Variants in ARL8B observed in about 807,000 individuals in gnomAD.
ARL8B encodes ADP-ribosylation factor-like protein 8B.
Under a neutral mutation model 30.6 loss-of-function variants are expected in ARL8B, and 9 were observed. That is an observed-to-expected ratio of 0.29 (90% CI 0.18 to 0.51). The LOEUF (loss-of-function observed/expected upper bound fraction) is 0.51, where lower values mean the gene tolerates loss of function less well. Among genes scored for constraint, ARL8B ranks in the 20% least tolerant of loss-of-function variants. ARL8B has a pLI of 0.97. For synonymous variants in ARL8B, 74 were observed against 76.0 expected (o/e 0.97, Z 0.14); for missense variants, 130 against 227.2 (o/e 0.57, Z 2.75).
intron 1 of ARL8B, among the ~76,000 whole-genome samples, chr3:5,147,923 T>TA (rs1258326004): frequency 1.3e-5 from 2 of 150,574 alleles, no homozygotes; most frequent in South Asian, 2.1e-4. Context: ...TTTTGTGTCC[T>TA]AGGAGTGGAC....
rs35897178 is a variant in ARL8B at position 5,124,256 on chromosome 3, ATTT to A, written c.123+1694_123+1696del. ...GTGGAATGTGTATCTAATACCACTA[ATTT>A]TTTTTTTTTTTTTTTTTTTTTTTTT... On this transcript the variant is annotated intron_variant, in intron 1 of 6. Coordinates refer to ENST00000256496, the MANE Select transcript of ARL8B (RefSeq NM_018184.3). Among the ~76,000 whole-genome samples, 282 of 105,650 alleles carry A rather than the reference ATTT, an allele frequency of 2.7e-3. 2 individuals carry two copies. The highest frequency in any genetic ancestry group is 8.7e-3 in the African/African-American group (235 of 26,996). 69.3% of individuals were successfully genotyped at this position (105,650 alleles called of 152,430 possible).
chr3:5,170,678 G>T, intron 2 of ARL8B, 95 bp downstream of exon 2: 4 of 844,240 alleles, frequency 4.7e-6, no homozygotes, highest in East Asian at 2.9e-5. Flanking sequence ...AAAATTTGCA[G>T]TTTTTCAGTA....
At chr3:5,148,881 A>G (rs982201180) in intron 1 of ARL8B, among the ~76,000 whole-genome samples, 2 of 152,172 alleles carry the variant, frequency 1.3e-5, no homozygotes, top group East Asian at 3.9e-4. Flanking sequence ...GGGGAATGTC[A>G]GAGGGAGTCT....
At chr3:5,171,335 G>A (rs985130135) in intron 2 of ARL8B, among the ~76,000 whole-genome samples, 5 of 152,032 alleles carry the variant, frequency 3.3e-5, no homozygotes, top group Admixed American at 2.0e-4. Flanking sequence ...GCTTTCATGT[G>A]CATAAAATAA....
At chr3:5,165,399 C>G (rs1024852440) in intron 1 of ARL8B, among the ~76,000 whole-genome samples, 1 of 152,056 alleles carries the variant, frequency 6.6e-6, no homozygotes, top group Non-Finnish European at 1.5e-5. Flanking sequence ...ATTAAAAGTT[C>G]TTAGAAGGAA....
At chr3:5,159,953 G>A (rs1430734575) in intron 1 of ARL8B, among the ~76,000 whole-genome samples, 2 of 152,128 alleles carry the variant, frequency 1.3e-5, no homozygotes, top group Non-Finnish European at 2.9e-5. Flanking sequence ...TAGTACAGAT[G>A]TTTAGAGACC....
At chr3:5,176,908 G>A (rs879772198) in intron 6 of ARL8B, among the ~76,000 whole-genome samples, 2 of 152,184 alleles carry the variant, frequency 1.3e-5, no homozygotes, top group Non-Finnish European at 2.9e-5. Context: ...GGAGGGTGAT[G>A]CTGGCATTTA....
intron 3 of ARL8B, 81 bp from the exon 4 acceptor site, chr3:5,172,566 A>G (rs2054685870): frequency 6.1e-6 from 6 of 982,434 alleles, no homozygotes; most frequent in East Asian, 2.5e-5. Flanking sequence ...TAAATCTTAC[A>G]AAAATTAAAA....
intron 2 of ARL8B, 69 bp from the exon 3 acceptor site, chr3:5,172,081 C>T: frequency 4.3e-6 from 6 of 1,398,662 alleles, no homozygotes; most frequent in Non-Finnish European, 4.0e-6. Flanking sequence ...TTCTTTTTTT[C>T]TGTTACTTCC....
intron 2 of ARL8B, 27 bp from the exon 3 acceptor site, chr3:5,172,123 T>A: frequency 6.3e-7 from 1 of 1,582,036 alleles, no homozygotes; most frequent in East Asian, 2.2e-5. Context: ...ATATCTTTAT[T>A]AAGAATTGCC....
chr3:5,156,480 G>T (rs1283677821), intron 1 of ARL8B, among the ~76,000 whole-genome samples: 12 of 151,374 alleles, frequency 7.9e-5, no homozygotes, highest in African/African-American at 2.9e-4. Flanking sequence ...GCAGTGGCAC[G>T]ATCCTGTCTC....
At chr3:5,151,856 C>T (rs12497542) in intron 1 of ARL8B, among the ~76,000 whole-genome samples, 1 of 151,952 alleles carries the variant, frequency 6.6e-6, no homozygotes, top group South Asian at 2.1e-4. Flanking sequence ...TCTTGAGTAC[C>T]TGGGACCACA....
chr3:5,137,985 TGA>T (rs2054342407), intron 1 of ARL8B, among the ~76,000 whole-genome samples: 2 of 152,040 alleles, frequency 1.3e-5, no homozygotes, highest in African/African-American at 4.8e-5. Flanking sequence ...TCTGTCATTT[TGA>T]GAGAGAAACT....
chr3:5,135,210 A>G (rs1025771510), intron 1 of ARL8B, among the ~76,000 whole-genome samples: 11 of 152,242 alleles, frequency 7.2e-5, no homozygotes, highest in Non-Finnish European at 1.3e-4. Context: ...TTATGTAATC[A>G]TCCTTTCCTC....
intron 1 of ARL8B, among the ~76,000 whole-genome samples, chr3:5,162,241 C>T (rs1314695605): frequency 6.6e-6 from 1 of 152,184 alleles, no homozygotes; most frequent in African/African-American, 2.4e-5. Flanking sequence ...TATGCAGATG[C>T]CACAGATGAA....
intron 1 of ARL8B, chr3:5,156,857 CT>C: frequency 6.6e-6 from 1 of 152,370 alleles, no homozygotes; most frequent in Non-Finnish European, 1.5e-5. Context: ...CGCCCCCAGC[CT>C]CCCAAAATGC....
At chr3:5,166,910 A>C (rs2054629720) in intron 1 of ARL8B, among the ~76,000 whole-genome samples, 1 of 152,170 alleles carries the variant, frequency 6.6e-6, no homozygotes. Context: ...TGTAGCATTC[A>C]TCTCCTTGCT....
intron 6 of ARL8B, among the ~76,000 whole-genome samples, 183 bp downstream of exon 6, chr3:5,174,597 A>G (rs1351924817): frequency 6.7e-6 from 1 of 150,090 alleles, no homozygotes; most frequent in Non-Finnish European, 1.5e-5. Context: ...TTCACTTAAC[A>G]TCATTGATGG....
intron 5 of ARL8B, 32 bp downstream of exon 5, chr3:5,174,116 G>A: frequency 1.2e-5 from 18 of 1,551,826 alleles, no homozygotes; most frequent in Non-Finnish European, 1.6e-5. Context: ...TTAATAATTT[G>A]CTTCTAAATT....
Sources: gnomAD v4.1 joint callset for allele counts (sites outside exome capture counted in the v4.1 genomes callset) on GRCh38, gnomAD v4.1.1 for gene constraint, MANE v1.5 for transcripts, NCBI Gene and HGNC (gene_info 2026-07-23, HGNC 2026-07-21) for gene names.